ATP4B: variants seen among roughly 807,000 people sequenced by gnomAD.
ATP4B encodes the protein ATPase H+/K+ transporting subunit beta.
In ATP4B, 27 loss-of-function variants were observed where a neutral mutation model predicts 35.3. That is an observed-to-expected ratio of 0.76 (90% CI 0.56 to 1.05). The LOEUF (loss-of-function observed/expected upper bound fraction) is 1.05. ATP4B is among the 50% of genes least tolerant of loss of function. The pLI, the probability that ATP4B is intolerant of heterozygous loss-of-function variation, is 0.00. For missense variants in ATP4B, 375 were observed against 384.8 expected, an observed-to-expected ratio of 0.97 and a Z score of 0.21; for synonymous variants, 162 against 156.0, an observed-to-expected ratio of 1.04 and a Z score of -0.29.
In ATP4B at chr13:113,652,769, G is replaced by C; in HGVS notation, c.555+104C>G. 4 of 1,363,534 alleles carry C rather than the reference G, an allele frequency of 2.9e-6. No individual in the cohort carries two copies. The South Asian group carries it at 4.9e-5, about 17-fold the overall frequency. The allele number at this position is 1,363,534 out of a possible 1,614,324, so 84.5% of individuals were successfully genotyped here. ...TGAGGCTGGAGTCCCTGTCCCGCTT[G>C]GGCAAGCCCCAGACAGGACACCTGT... On this transcript the variant is annotated intron_variant, in intron 4 of 6. Transcript: ENST00000335288.
chr13:113,652,125 C>T (rs943598109), intron 4 of ATP4B, among the ~76,000 whole-genome samples: 9 of 152,218 alleles, frequency 5.9e-5, no homozygotes, highest in African/African-American at 1.7e-4. Context: ...CCACCCGGGC[C>T]TTCAGCCCCC....
At position 113,649,568 on chromosome 13, in the gene ATP4B, C is replaced by T; in HGVS notation, c.715-33G>A. ...GGGAGTGAGGAAAGGACAGGTGTTT[C>T]AAAAATCTCTGAAGTTAAGGAGAGA... On this transcript the variant is annotated intron_variant, in intron 6 of 6. Transcript: ENST00000335288. This position sits in a 1 kb window ranked among gnomAD's most constrained non-coding sequence, Gnocchi z 4.7. The T allele has an allele frequency of 6.9e-7, 1 of 1,456,292 alleles. No individual in the cohort carries two copies. The highest frequency in any genetic ancestry group is 9.1e-7 in the Non-Finnish European group (1 of 1,100,734). 90.2% of individuals were successfully genotyped at this position (1,456,292 alleles called of 1,614,324 possible).
rs761235905 is a variant in ATP4B at position 113,653,273 on chromosome 13, C to T, written c.355+48G>A. 1.2e-5 allele frequency: 19 copies of T among 1,571,414 alleles called. No individual in the cohort carries two copies. In the African/African-American group the frequency reaches 2.4e-4, roughly 20 times the overall value. On this transcript the variant is annotated intron_variant, in intron 3 of 6. Coordinates refer to ENST00000335288, the MANE Select transcript of ATP4B (RefSeq NM_000705.4). ...CACCTCACCCACCCGCCGCTTCACA[C>T]CTCACCCACCCGCCGCTTCACACCT...
In ATP4B at chr13:113,649,528, T is replaced by C; in HGVS notation, c.722A>G (p.Tyr241Cys). The part of the protein sequence containing the change: ...PYYGKKAQPH[Y>C]SNPLVAAKLL... ...CTTCGCTGCCACCAGGGGGTTGCTGTAGTGGGGCTGAAGTGGGAGTGAGGA... is the reference window on the plus strand; with the variant it reads ...CTTCGCTGCCACCAGGGGGTTGCTGCAGTGGGGCTGAAGTGGGAGTGAGGA... The change falls in exon 7 of 7, where the codon TAC becomes TGC. Residue 241 changes from tyrosine (Y) to cysteine (C), a missense_variant. Transcript: ENST00000335288. The surrounding 1 kb of genome is among the most constrained non-coding windows in gnomAD (Gnocchi z 4.7). The C allele has an allele frequency of 6.6e-7, 1 of 1,526,576 alleles. No homozygotes were observed. The highest frequency in any genetic ancestry group is 8.8e-7 in the Non-Finnish European group (1 of 1,131,772). 94.6% of individuals were successfully genotyped at this position (1,526,576 alleles called of 1,614,324 possible). A position where few individuals can be genotyped will look rare whatever the true frequency, so the allele number is the denominator to read the frequency against.
intron 1 of ATP4B, among the ~76,000 whole-genome samples, chr13:113,657,219 G>A (rs1021766840): frequency 9.2e-5 from 14 of 152,140 alleles, no homozygotes; most frequent in Non-Finnish European, 1.3e-4. Context: ...CCCCAGAGCC[G>A]GGCACCGTGG....
At position 113,653,392 on chromosome 13, in the gene ATP4B, T is replaced by G; in HGVS notation, c.284A>C (p.Glu95Ala). ...RPDVYGEKGL[E>A]IVYNVSDNRT... is the part of the protein sequence containing the mutation. The stretch of plus-strand genomic sequence containing the variant: ...GTTATCAGAGACGTTGTAGACAATT[T>G]CCAGGCCTTTCTCCCCGTAAACATC... The change falls in exon 3 of 7, where the codon GAA becomes GCA. Residue 95 changes from glutamate (E) to alanine (A), a missense_variant. By Grantham distance (107) the Glu-to-Ala change is moderately radical. Transcript: ENST00000335288. 1 of 1,614,198 alleles carries G rather than the reference T, an allele frequency of 6.2e-7. No individual in the cohort carries two copies. The highest frequency in any genetic ancestry group is 8.5e-7 in the Non-Finnish European group (1 of 1,180,032).
In ATP4B at chr13:113,653,208, C is replaced by T; in HGVS notation, c.355+113G>A. ...GCCGAAGCTGTGGAGCCGTTTCACA[C>T]CTCACCTGCTGCTTCACACCTCACC... On this transcript the variant is annotated intron_variant, in intron 3 of 6. Transcript: ENST00000335288. 2.9e-6 allele frequency: 4 copies of T among 1,386,014 alleles called. No individual in the cohort carries two copies. In the South Asian group the frequency reaches 3.9e-5, roughly 14 times the overall value. The allele number at this position is 1,386,014 out of a possible 1,614,324, so 85.9% of individuals were successfully genotyped here. A position where few individuals can be genotyped will look rare whatever the true frequency, so the allele number is the denominator to read the frequency against.
intron 4 of ATP4B, 62 bp downstream of exon 4, chr13:113,652,811 G>T: frequency 6.4e-7 from 1 of 1,571,008 alleles, no homozygotes; most frequent in South Asian, 1.1e-5. Context: ...CGTGGTGGGT[G>T]TGGGTGAGAG....
In ATP4B at chr13:113,655,655, G is replaced by GATC. The variant is rs374705450; in HGVS notation, c.113-716_113-714dup. ...TCGTCTCTGTAAATTAGCTTGTGTG[G>GATC]ATCGCAGGAGGCATTTGCAGGGAGA... On this transcript the variant is annotated intron_variant, in intron 1 of 6. Transcript: ENST00000335288. Among the ~76,000 whole-genome samples, 912 of 152,320 alleles carry GATC rather than the reference G, an allele frequency of 6.0e-3. 20 individuals carry two copies. Among genetic ancestry groups the GATC allele is most frequent in the African/African-American group, 0.021 (882 of 41,560 alleles).
At chr13:113,651,824 G>C in intron 4 of ATP4B, 97 bp from the exon 5 acceptor site, 1 of 1,444,424 alleles carries the variant, frequency 6.9e-7, no homozygotes, top group East Asian at 2.5e-5. Flanking sequence ...GCCGGCCCCA[G>C]CCTGGGCTTT....
Position 113,649,783 on chromosome 13 carries a change from T to G in ATP4B, c.715-248A>C, listed in dbSNP as rs1405045878. Among the ~76,000 whole-genome samples, 3 of 152,106 alleles carry G rather than the reference T, an allele frequency of 2.0e-5. No homozygotes were observed. The highest frequency in any genetic ancestry group is 4.4e-5 in the Non-Finnish European group (3 of 68,006). On this transcript the variant is annotated intron_variant, in intron 6 of 6. Transcript: ENST00000335288. This position sits in a 1 kb window ranked among gnomAD's most constrained non-coding sequence, Gnocchi z 4.7. Reference sequence around the variant, plus strand: ...ATTCAGCTTCAAACTCTTACGATGATTAACGTAAAAATGAAACAGGAAAAG... The same window carrying G: ...ATTCAGCTTCAAACTCTTACGATGAGTAACGTAAAAATGAAACAGGAAAAG...
At chr13:113,657,801 G>A (rs967421645) in intron 1 of ATP4B, among the ~76,000 whole-genome samples, 7 of 152,242 alleles carry the variant, frequency 4.6e-5, no homozygotes, top group South Asian at 4.1e-4. Context: ...GCCCTCCACC[G>A]GCGTTCTGCA....
Position 113,649,298 on chromosome 13 carries a change from G to T in ATP4B, c.*76C>A, listed in dbSNP as rs548023758. Reference sequence around the variant, plus strand: ...GGGGATGATTTGGCAGGGAACTGACGGGCAAGGTAAGCCCAACCAGGAGGG... The same window carrying T: ...GGGGATGATTTGGCAGGGAACTGACTGGCAAGGTAAGCCCAACCAGGAGGG... On this transcript the variant is annotated 3_prime_UTR_variant, in exon 7 of 7. Coordinates refer to ENST00000335288, the MANE Select transcript of ATP4B (RefSeq NM_000705.4). This position sits in a 1 kb window ranked among gnomAD's most constrained non-coding sequence, Gnocchi z 4.7. The T allele has an allele frequency of 3.3e-5, 49 of 1,499,640 alleles. No homozygotes were observed. The highest frequency in any genetic ancestry group is 4.3e-5 in the Non-Finnish European group (48 of 1,114,632). 92.9% of individuals were successfully genotyped at this position (1,499,640 alleles called of 1,614,324 possible).
At chr13:113,652,515 A>T (rs1457547962) in intron 4 of ATP4B, among the ~76,000 whole-genome samples, 2 of 152,350 alleles carry the variant, frequency 1.3e-5, no homozygotes, top group East Asian at 3.9e-4. Flanking sequence ...CCTCTGCTTT[A>T]GAAGGTGCTA....
intron 1 of ATP4B, 49 bp downstream of exon 1, chr13:113,657,984 T>G: frequency 6.8e-7 from 1 of 1,471,202 alleles, no homozygotes; most frequent in South Asian, 1.2e-5. Context: ...GGCTGCGTCC[T>G]CAGAGCGGCC....
At chr13:113,652,720 G>A (rs564852803) in intron 4 of ATP4B, 153 bp downstream of exon 4, 36 of 830,616 alleles carry the variant, frequency 4.3e-5, no homozygotes, top group East Asian at 2.1e-4. Flanking sequence ...GGACAGGTGC[G>A]TGCCAAACCA....
chr13:113,653,111 G>C, intron 3 of ATP4B, 39 bp from the exon 4 acceptor site: 10 of 1,580,672 alleles, frequency 6.3e-6, no homozygotes, highest in Non-Finnish European at 8.6e-6. Flanking sequence ...TCCTGCCCTG[G>C]CCCTGACGCC....
Position 113,650,334 on chromosome 13 carries a change from T to C in ATP4B, c.714+72A>G. Reference sequence around the variant, plus strand: ...TCATTTTTCTACATGAAGGGGCTTATTGCTTTCCTTTCGCTAAGTGTGAGA... The same window carrying C: ...TCATTTTTCTACATGAAGGGGCTTACTGCTTTCCTTTCGCTAAGTGTGAGA... On this transcript the variant is annotated intron_variant, in intron 6 of 6. Coordinates refer to ENST00000335288, the MANE Select transcript of ATP4B (RefSeq NM_000705.4). The surrounding 1 kb of genome is among the most constrained non-coding windows in gnomAD (Gnocchi z 5.0). 6.3e-6 allele frequency: 9 copies of C among 1,420,116 alleles called. No homozygotes were observed. Among genetic ancestry groups the C allele is most frequent in the Non-Finnish European group, 8.9e-6 (9 of 1,007,854 alleles). 88.0% of individuals were successfully genotyped at this position (1,420,116 alleles called of 1,614,324 possible).
chr13:113,657,588 C>A (rs900005614), intron 1 of ATP4B, among the ~76,000 whole-genome samples: 1 of 152,254 alleles, frequency 6.6e-6, no homozygotes, highest in Non-Finnish European at 1.5e-5. Flanking sequence ...ACCTCCGCAT[C>A]TGGACGCCAG....
Sources: gnomAD v4.1 joint callset for allele counts (sites outside exome capture counted in the v4.1 genomes callset) on GRCh38, gnomAD v4.1.1 for gene constraint, Gnocchi (gnomAD v3.1) non-coding constraint, MANE v1.5 for transcripts, NCBI Gene and HGNC (gene_info 2026-07-23, HGNC 2026-07-21) for gene names.